Variants in EYS observed in about 807,000 individuals in gnomAD.
EYS encodes the protein protein eyes shut homolog.
A neutral mutation model predicts 282.1 loss-of-function variants in EYS; 250 were observed. The observed-to-expected ratio is 0.89, with a 90% CI of 0.80 to 0.98. The LOEUF is 0.98. Ranked by LOEUF, EYS falls within the 50% of genes least tolerant of loss-of-function variation. The probability of loss-of-function intolerance (pLI) is 0.00; values close to 1 mark genes in which losing one functional copy is unlikely to be tolerated. For missense variants in EYS, 4,016 were observed against 3,709.0 expected (o/e 1.08, Z -2.15); for synonymous variants, 1,355 against 1,282.9 (o/e 1.06, Z -1.20).
At chr6:65,254,576 T>C (rs1375637954) in intron 12 of EYS, among the ~76,000 whole-genome samples, 1 of 151,880 alleles carries the variant, frequency 6.6e-6, no homozygotes, top group Non-Finnish European at 1.5e-5. Context: ...AAAGTTATTG[T>C]GGAAAGATTA....
At chr6:63,749,929 T>C (rs1190540971) in intron 41 of EYS, among the ~76,000 whole-genome samples, 1 of 152,192 alleles carries the variant, frequency 6.6e-6, no homozygotes, top group Non-Finnish European at 1.5e-5. Flanking sequence ...GTGACAGCTG[T>C]TCCACCTGGC....
At position 63,889,313 on chromosome 6, in the gene EYS, C is replaced by T. The variant is rs528265944; in HGVS notation, c.7056-24955G>A. Among the ~76,000 whole-genome samples the T allele has an allele frequency of 2.6e-5, 4 of 152,140 alleles. No individual in the cohort carries two copies. In the East Asian group the frequency reaches 7.7e-4, roughly 29 times the overall value. On this transcript the variant is annotated intron_variant, in intron 35 of 42. Coordinates refer to ENST00000503581, the MANE Select transcript of EYS (RefSeq NM_001142800.2). The stretch of plus-strand genomic sequence containing the variant: ...ACCACAAAGAAGAGCAACCCCAAGA[C>T]ACATAATCGTCAGATTCACCAAGGT...
At chr6:64,892,233 A>T (rs1379599593) in intron 18 of EYS, among the ~76,000 whole-genome samples, 1 of 151,944 alleles carries the variant, frequency 6.6e-6, no homozygotes, top group Non-Finnish European at 1.5e-5. Flanking sequence ...TGTATTCCAG[A>T]TGAGAGAGGA....
chr6:65,498,105 G>T (rs1766318209), intron 2 of EYS, among the ~76,000 whole-genome samples: 2 of 151,994 alleles, frequency 1.3e-5, no homozygotes, highest in African/African-American at 4.8e-5. Flanking sequence ...TAAAGAAAGA[G>T]AAGAAAATCC....
At chr6:64,089,330 A>G (rs1053115217) in intron 31 of EYS, among the ~76,000 whole-genome samples, 7 of 150,796 alleles carry the variant, frequency 4.6e-5, no homozygotes, top group African/African-American at 1.7e-4. Flanking sequence ...AGAAACTATA[A>G]TTACCTACAT....
At chr6:65,554,359 T>C (rs756270001) in intron 2 of EYS, among the ~76,000 whole-genome samples, 23 of 152,146 alleles carry the variant, frequency 1.5e-4, no homozygotes, top group Non-Finnish European at 2.9e-4. Context: ...GAACAAGAAA[T>C]TAATTAAACA....
At chr6:64,057,292 C>T (rs1047574619) in intron 33 of EYS, among the ~76,000 whole-genome samples, 1 of 151,630 alleles carries the variant, frequency 6.6e-6, no homozygotes, top group Non-Finnish European at 1.5e-5. Context: ...CATATACCTA[C>T]ATTTTATTCA....
chr6:65,281,225 C>T (rs1472041340), intron 12 of EYS, among the ~76,000 whole-genome samples: 1 of 151,608 alleles, frequency 6.6e-6, no homozygotes, highest in African/African-American at 2.4e-5. Flanking sequence ...ATTTTGTTTT[C>T]TATTTTGAGT....
chr6:64,514,454 A>G (rs1220560269), intron 26 of EYS, among the ~76,000 whole-genome samples: 2 of 151,876 alleles, frequency 1.3e-5, no homozygotes, highest in African/African-American at 4.8e-5. Context: ...CAGCCGGGCC[A>G]TGGCCTTGTG....
At chr6:63,875,587 A>G (rs982317057) in intron 35 of EYS, among the ~76,000 whole-genome samples, 1 of 152,120 alleles carries the variant, frequency 6.6e-6, no homozygotes, top group Non-Finnish European at 1.5e-5. Context: ...TTCCGTTGTG[A>G]TTCCGTCTGG....
intron 35 of EYS, among the ~76,000 whole-genome samples, chr6:63,880,489 A>C (rs969747851): frequency 2.0e-4 from 30 of 149,626 alleles, no homozygotes; most frequent in African/African-American, 6.2e-4. Flanking sequence ...GTCTGTCTGT[A>C]TCTATCTATC....
chr6:65,031,573 A>T (rs1204881512), intron 13 of EYS, among the ~76,000 whole-genome samples: 2 of 152,198 alleles, frequency 1.3e-5, no homozygotes, highest in Non-Finnish European at 2.9e-5. Flanking sequence ...AATACCAGAA[A>T]GATCTCTCAA....
intron 22 of EYS, among the ~76,000 whole-genome samples, chr6:64,670,213 A>G (rs183573704): frequency 6.6e-6 from 1 of 152,162 alleles, no homozygotes; most frequent in African/African-American, 2.4e-5. Flanking sequence ...AAAGCCAATT[A>G]ACAAACACAG....
chr6:64,589,672 A>T (rs1267603700), intron 26 of EYS, among the ~76,000 whole-genome samples: 2 of 152,086 alleles, frequency 1.3e-5, no homozygotes, highest in East Asian at 3.9e-4. Context: ...CAATTTTTGC[A>T]TAGTGCTTTT....
At chr6:64,568,473 C>G (rs1380568101) in intron 26 of EYS, among the ~76,000 whole-genome samples, 1 of 152,200 alleles carries the variant, frequency 6.6e-6, no homozygotes, top group Non-Finnish European at 1.5e-5. Flanking sequence ...AGAAAGGCAG[C>G]AGCCCCAGTC....
At chr6:64,616,401 A>G (rs1386298325) in intron 24 of EYS, among the ~76,000 whole-genome samples, 3 of 152,144 alleles carry the variant, frequency 2.0e-5, no homozygotes, top group African/African-American at 4.8e-5. Flanking sequence ...GAGAATTCTC[A>G]GAGAAAGGAA....
At chr6:64,579,979 G>A (rs1766007257) in intron 26 of EYS, among the ~76,000 whole-genome samples, 1 of 152,008 alleles carries the variant, frequency 6.6e-6, no homozygotes, top group South Asian at 2.1e-4. Context: ...TGTATATTGA[G>A]CCACCCAACT....
intron 5 of EYS, among the ~76,000 whole-genome samples, chr6:65,414,339 A>C (rs531621202): frequency 6.6e-6 from 1 of 152,174 alleles, no homozygotes; most frequent in Admixed American, 6.5e-5. Context: ...AAATAGTGGC[A>C]TGATTTCACA....
At chr6:65,078,390 AG>A (rs1237602189) in intron 12 of EYS, among the ~76,000 whole-genome samples, 4 of 152,112 alleles carry the variant, frequency 2.6e-5, no homozygotes, top group Non-Finnish European at 5.9e-5. Context: ...CAATTGAGGA[AG>A]TTTTAGAACA....
Sources: gnomAD v4.1 joint callset for allele counts (sites outside exome capture counted in the v4.1 genomes callset) on GRCh38, gnomAD v4.1.1 for gene constraint, MANE v1.5 for transcripts, NCBI Gene and HGNC (gene_info 2026-07-23, HGNC 2026-07-21) for gene names.